CD2AP: variants seen among roughly 807,000 people sequenced by gnomAD.
CD2AP encodes the protein CD2-associated protein.
CD2AP carries 46 observed loss-of-function variants against 85.1 expected under a neutral mutation model. The observed-to-expected ratio is 0.54, with a 90% confidence interval of 0.43 to 0.69. The LOEUF is 0.69. Among genes scored for constraint, CD2AP ranks in the 30% least tolerant of loss-of-function variants. The pLI is 0.00. For synonymous variants in CD2AP, 255 were observed against 252.9 expected (o/e 1.01, Z -0.08); for missense variants, 769 against 729.5 (o/e 1.05, Z -0.62).
chr6:47,504,040 A>G (rs1766065102), intron 2 of CD2AP, among the ~76,000 whole-genome samples: 1 of 152,232 alleles, frequency 6.6e-6, no homozygotes, highest in South Asian at 2.1e-4. Flanking sequence ...ACTACTACCA[A>G]ACATTCCTTT....
chr6:47,585,140 T>TAA (rs993329674), intron 11 of CD2AP, among the ~76,000 whole-genome samples: 1 of 133,626 alleles, frequency 7.5e-6, no homozygotes, highest in Non-Finnish European at 1.6e-5. Flanking sequence ...AAAAATAAAA[T>TAA]AAAAAAAAAA....
chr6:47,544,385 A>G (rs537482196), intron 3 of CD2AP, among the ~76,000 whole-genome samples: 2 of 152,264 alleles, frequency 1.3e-5, no homozygotes, highest in East Asian at 3.9e-4. Flanking sequence ...TGGTGGGATA[A>G]GATGTATAAA....
At chr6:47,576,937 A>G in intron 7 of CD2AP, 72 bp from the exon 8 acceptor site, 5 of 855,608 alleles carry the variant, frequency 5.8e-6, no homozygotes, top group Non-Finnish European at 1.0e-5. Flanking sequence ...TTTACACAAG[A>G]TAGAGGCTAA....
At chr6:47,587,885 T>A (rs1027660017) in intron 11 of CD2AP, among the ~76,000 whole-genome samples, 1 of 152,180 alleles carries the variant, frequency 6.6e-6, no homozygotes, top group Non-Finnish European at 1.5e-5. Context: ...ATACTTTCAC[T>A]GGTAGAAGCA....
At chr6:47,554,344 A>G (rs1327812043) in intron 4 of CD2AP, among the ~76,000 whole-genome samples, 1 of 152,206 alleles carries the variant, frequency 6.6e-6, no homozygotes, top group Non-Finnish European at 1.5e-5. Flanking sequence ...TCTTGCTGTT[A>G]ATACAGTATA....
intron 2 of CD2AP, among the ~76,000 whole-genome samples, chr6:47,513,143 CT>C (rs34297362): frequency 0.66 from 89,622 of 136,310 alleles, 28,433 homozygotes; most frequent in Middle Eastern, 0.75. Flanking sequence ...ATCTGAATAC[CT>C]TTTTTTTTTT....
Position 47,606,280 on chromosome 6 carries a change from G to A in CD2AP, c.1530+3G>A. 1.3e-6 allele frequency: 2 copies of A among 1,514,558 alleles called. No individual in the cohort carries two copies. Among genetic ancestry groups the A allele is most frequent in the Non-Finnish European group, 1.8e-6 (2 of 1,089,344 alleles). 93.8% of individuals were successfully genotyped at this position (1,514,558 alleles called of 1,614,324 possible). A position where few individuals can be genotyped will look rare whatever the true frequency, so the allele number is the denominator to read the frequency against. On this transcript the variant is annotated splice_donor_region_variant and intron_variant, in intron 14 of 17. Coordinates refer to ENST00000359314, the MANE Select transcript of CD2AP (RefSeq NM_012120.3). ...GCCGTTTCAATGGTGGACATTCTGT[G>A]AGTTCATCTAATTGTCGTAAACTAC... is the stretch of plus-strand genomic sequence containing the variant.
In CD2AP at chr6:47,607,125, A is replaced by G. The variant is rs1298087865; in HGVS notation, c.1531-802A>G. 4.4e-5 allele frequency among the ~76,000 whole-genome samples: 6 copies of G among 134,860 alleles called. 1 individual carries two copies. Among genetic ancestry groups the G allele is most frequent in the Admixed American group, 4.0e-4 (4 of 10,096 alleles). The allele number at this position is 134,860 out of a possible 152,430, so 88.5% of individuals were successfully genotyped here. On this transcript the variant is annotated intron_variant, in intron 14 of 17. Transcript: ENST00000359314. ...AACTCTAGTTCCATCCATGTTGCAA[A>G]TGACAGGATCTCATTCTTTTTTGTG...
chr6:47,503,801 T>A (rs369813356), intron 2 of CD2AP, among the ~76,000 whole-genome samples: 200 of 152,370 alleles, frequency 1.3e-3, no homozygotes, highest in African/African-American at 4.7e-3. Flanking sequence ...GTGAAATAGT[T>A]ATGACAGATA....
intron 4 of CD2AP, among the ~76,000 whole-genome samples, chr6:47,545,571 C>G (rs1023205409): frequency 2.6e-5 from 4 of 152,142 alleles, no homozygotes; most frequent in Non-Finnish European, 4.4e-5. Flanking sequence ...ATTAAACAGC[C>G]AGAGCTAAGG....
chr6:47,479,298 A>G (rs1416735248), intron 1 of CD2AP, among the ~76,000 whole-genome samples: 3 of 152,250 alleles, frequency 2.0e-5, no homozygotes, highest in African/African-American at 4.8e-5. Context: ...TGAATAATTC[A>G]TGTAATTAAC....
intron 2 of CD2AP, among the ~76,000 whole-genome samples, chr6:47,508,135 A>G (rs1320099031): frequency 2.0e-5 from 3 of 152,224 alleles, no homozygotes; most frequent in African/African-American, 7.2e-5. Context: ...CAAGAGAGTG[A>G]GCCTGTCCTT....
rs537233779 is a variant in CD2AP at position 47,525,771 on chromosome 6, TTATC to T, written c.166-7827_166-7824del. 3.9e-4 allele frequency among the ~76,000 whole-genome samples: 59 copies of T among 152,274 alleles called. No individual in the cohort carries two copies. In the South Asian group the frequency reaches 0.012, roughly 30 times the overall value. ...ATCCTCTTGTTGTACTACCTACTCT[TTATC>T]TATAAGCAAAACCAATCAGTATAGC... On this transcript the variant is annotated intron_variant, in intron 2 of 17. Coordinates refer to ENST00000359314, the MANE Select transcript of CD2AP (RefSeq NM_012120.3).
At chr6:47,588,862 T>G (rs1768699432) in intron 11 of CD2AP, among the ~76,000 whole-genome samples, 1 of 152,112 alleles carries the variant, frequency 6.6e-6, no homozygotes, top group African/African-American at 2.4e-5. Flanking sequence ...TGTAAGTCCT[T>G]TCAGTTTCTT....
intron 2 of CD2AP, among the ~76,000 whole-genome samples, chr6:47,529,918 C>T (rs1348206885): frequency 6.6e-6 from 1 of 152,174 alleles, no homozygotes; most frequent in Non-Finnish European, 1.5e-5. Flanking sequence ...CTTCCATGCT[C>T]CAGGCAAATT....
At chr6:47,529,808 C>T (rs1766824650) in intron 2 of CD2AP, among the ~76,000 whole-genome samples, 1 of 152,172 alleles carries the variant, frequency 6.6e-6, no homozygotes, top group Non-Finnish European at 1.5e-5. Context: ...TGGGAATTTA[C>T]TGTATTTCAG....
rs1238792059 is a variant in CD2AP, at chr6:47,626,364, G to T, written c.*2137G>T. The T allele has an allele frequency of 6.6e-6, 1 of 152,194 alleles. No individual in the cohort carries two copies. The highest frequency in any genetic ancestry group is 2.4e-5 in the African/African-American group (1 of 41,386). 9.4% of individuals were successfully genotyped at this position (152,194 alleles called of 1,614,324 possible). A position where few individuals can be genotyped will look rare whatever the true frequency, so the allele number is the denominator to read the frequency against. ...TTATTCTAGCAACTTACTTTCTGTTGGTATGGGAAATGTTATTAATTTCTA... is the reference window on the plus strand; with the variant it reads ...TTATTCTAGCAACTTACTTTCTGTTTGTATGGGAAATGTTATTAATTTCTA... On this transcript the variant is annotated 3_prime_UTR_variant, in exon 18 of 18. Transcript: ENST00000359314.
chr6:47,518,932 T>G (rs1322233992), intron 2 of CD2AP, among the ~76,000 whole-genome samples: 1 of 151,892 alleles, frequency 6.6e-6, no homozygotes, highest in Non-Finnish European at 1.5e-5. Context: ...ACGGTAGTAC[T>G]GTGGCATATC....
At chr6:47,525,957 G>A (rs1766710644) in intron 2 of CD2AP, among the ~76,000 whole-genome samples, 1 of 152,048 alleles carries the variant, frequency 6.6e-6, no homozygotes, top group Non-Finnish European at 1.5e-5. Flanking sequence ...TTCCAAGTGA[G>A]GACTCTTTTT....
Sources: allele counts gnomAD v4.1 joint callset (sites outside exome capture counted in the v4.1 genomes callset), GRCh38; gene constraint gnomAD v4.1.1; transcripts MANE v1.5; gene names NCBI Gene and HGNC (gene_info 2026-07-23, HGNC 2026-07-21).